ERBB4: variants seen among roughly 807,000 people sequenced by gnomAD.
ERBB4 encodes erb-b2 receptor tyrosine kinase 4.
ERBB4 carries 42 observed loss-of-function variants against 158.0 expected under a neutral mutation model. The observed-to-expected ratio is 0.27, with a 90% CI of 0.21 to 0.34. The LOEUF (loss-of-function observed/expected upper bound fraction) is 0.34, where lower values mean the gene tolerates loss of function less well. Among genes scored for constraint, ERBB4 ranks in the 10% least tolerant of loss-of-function variants. The probability of loss-of-function intolerance (pLI) is 1.00; values close to 1 mark genes in which losing one functional copy is unlikely to be tolerated. For missense variants in ERBB4, 1,333 were observed against 1,624.1 expected (o/e 0.82, Z 3.08); for synonymous variants, 583 against 558.7 (o/e 1.04, Z -0.61).
intron 3 of ERBB4, among the ~76,000 whole-genome samples, chr2:211,844,228 T>C (rs1302919090): frequency 2.6e-5 from 4 of 152,144 alleles, no homozygotes; most frequent in African/African-American, 4.8e-5. Flanking sequence ...CTAAATATCA[T>C]ACTAAGGGCA....
chr2:211,688,202 T>C (rs931491043), intron 12 of ERBB4, among the ~76,000 whole-genome samples: 3 of 152,238 alleles, frequency 2.0e-5, no homozygotes, highest in Non-Finnish European at 2.9e-5. Flanking sequence ...CCTCAGCCTA[T>C]GTACAGATCC....
chr2:212,404,827 G>A (rs62186274), intron 1 of ERBB4, among the ~76,000 whole-genome samples: 33,249 of 151,812 alleles, frequency 0.22, 3,818 homozygotes, highest in Non-Finnish European at 0.24. Flanking sequence ...GTAGTCCCCA[G>A]TATCTCTTGT....
chr2:212,246,600 T>C (rs981231469), intron 1 of ERBB4, among the ~76,000 whole-genome samples: 7 of 152,134 alleles, frequency 4.6e-5, no homozygotes, highest in African/African-American at 1.4e-4. Flanking sequence ...TCATGAAAGA[T>C]GTAGCTTAAA....
At chr2:211,934,202 A>C (rs189552130) in intron 3 of ERBB4, among the ~76,000 whole-genome samples, 185 of 152,108 alleles carry the variant, frequency 1.2e-3, no homozygotes, top group African/African-American at 4.1e-3. Flanking sequence ...AACCAAATGT[A>C]GTTTAGGGAG....
At chr2:212,312,852 A>T (rs974279198) in intron 1 of ERBB4, among the ~76,000 whole-genome samples, 1 of 150,916 alleles carries the variant, frequency 6.6e-6, no homozygotes, top group Non-Finnish European at 1.5e-5. Flanking sequence ...TAGTATTAAT[A>T]AGGAAAAAAA....
intron 9 of ERBB4, among the ~76,000 whole-genome samples, chr2:211,710,300 T>A (rs1423856962): frequency 6.6e-6 from 1 of 152,088 alleles, no homozygotes; most frequent in Non-Finnish European, 1.5e-5. Context: ...GCAATGTGAG[T>A]CAAGTGGCTC....
intron 20 of ERBB4, among the ~76,000 whole-genome samples, chr2:211,510,462 C>T (rs1169933821): frequency 6.6e-6 from 1 of 152,078 alleles, no homozygotes; most frequent in Non-Finnish European, 1.5e-5. Context: ...TCCCCTGAAT[C>T]TAAATTTCTT....
At chr2:212,488,259 T>C (rs780755182) in intron 1 of ERBB4, among the ~76,000 whole-genome samples, 3 of 152,078 alleles carry the variant, frequency 2.0e-5, no homozygotes, top group Non-Finnish European at 4.4e-5. Context: ...GCTTCTTGAA[T>C]ACCACTCTGC....
At chr2:212,306,462 T>C (rs2086813925) in intron 1 of ERBB4, among the ~76,000 whole-genome samples, 2 of 151,422 alleles carry the variant, frequency 1.3e-5, no homozygotes, top group Non-Finnish European at 1.5e-5. Context: ...TTTGCCCCAT[T>C]TCTTTATTTA....
At chr2:212,311,158 G>T (rs982998043) in intron 1 of ERBB4, among the ~76,000 whole-genome samples, 6 of 150,748 alleles carry the variant, frequency 4.0e-5, no homozygotes, top group African/African-American at 7.3e-5. Context: ...TTTATTAAAT[G>T]AATTTGTCAA....
intron 1 of ERBB4, among the ~76,000 whole-genome samples, chr2:212,315,052 A>T (rs992858836): frequency 1.3e-5 from 2 of 151,348 alleles, no homozygotes; most frequent in Non-Finnish European, 3.0e-5. Context: ...AGGAGCTTTG[A>T]GCATTATTAC....
At position 212,373,752 on chromosome 2, in the gene ERBB4, TGTATATATCCAC is replaced by T. The variant is rs1383506552; in HGVS notation, c.82+164685_82+164696del. The stretch of plus-strand genomic sequence containing the variant: ...ATATATATATCCATATATATATCCA[TGTATATATCCAC>T]GTATATATCCATGTATATATCCACG... On this transcript the variant is annotated intron_variant, in intron 1 of 27. Transcript: ENST00000342788. Among the ~76,000 whole-genome samples the T allele has an allele frequency of 1.5e-3, 205 of 138,372 alleles. 6 individuals are homozygous for T. The highest frequency in any genetic ancestry group is 2.6e-3 in the South Asian group (11 of 4,276). 90.8% of individuals were successfully genotyped at this position (138,372 alleles called of 152,430 possible). A position where few individuals can be genotyped will look rare whatever the true frequency, so the allele number is the denominator to read the frequency against.
chr2:211,482,284 C>T (rs1327385502), intron 20 of ERBB4, among the ~76,000 whole-genome samples: 2 of 152,160 alleles, frequency 1.3e-5, no homozygotes, highest in Admixed American at 1.3e-4. Flanking sequence ...CACATAAGCC[C>T]TAAATAATCT....
intron 1 of ERBB4, among the ~76,000 whole-genome samples, chr2:212,173,860 A>G (rs568242951): frequency 1.3e-5 from 2 of 152,262 alleles, no homozygotes; most frequent in Non-Finnish European, 2.9e-5. Flanking sequence ...GAAAAGGACT[A>G]CAAAGTATTG....
chr2:211,562,031 A>T lies in ERBB4; in HGVS notation c.2359T>A (p.Cys787Ser), dbSNP rs2125722135. 6.2e-7 allele frequency: 1 copy of T among 1,614,118 alleles called. No homozygotes were observed. The highest frequency in any genetic ancestry group is 8.5e-7 in the Non-Finnish European group (1 of 1,180,022). ...ACCAGCTGGATGGTTGGGCTCAGACACACACCCAGCAACCGGACTAGGTGT... is the reference window on the plus strand; with the variant it reads ...ACCAGCTGGATGGTTGGGCTCAGACTCACACCCAGCAACCGGACTAGGTGT... ...HPHLVRLLGV[C>S]LSPTIQLVTQ... The change falls in exon 20 of 28, where the codon TGT (cysteine) becomes AGT (serine). Residue 787 changes from cysteine (C) to serine (S), a missense_variant. This residue lies in a region of ERBB4 where 314 missense variants were observed against 437.6 expected (regional missense o/e 0.72). Coordinates refer to ENST00000342788, the MANE Select transcript of ERBB4 (RefSeq NM_005235.3).
At chr2:211,900,600 G>A (rs544726475) in intron 3 of ERBB4, among the ~76,000 whole-genome samples, 1 of 152,210 alleles carries the variant, frequency 6.6e-6, no homozygotes, top group South Asian at 2.1e-4. Context: ...TTACGCTTTA[G>A]TAAAGAGTTT....
At chr2:211,960,982 T>C (rs2081165827) in intron 2 of ERBB4, among the ~76,000 whole-genome samples, 1 of 152,112 alleles carries the variant, frequency 6.6e-6, no homozygotes, top group African/African-American at 2.4e-5. Context: ...TTAATAATAA[T>C]AGGTGAAACT....
intron 19 of ERBB4, among the ~76,000 whole-genome samples, chr2:211,592,978 A>C (rs1382668364): frequency 6.7e-6 from 1 of 148,162 alleles, no homozygotes. Context: ...GCACCACTGC[A>C]CTCCAGCCCA....
chr2:211,828,734 T>TTGGGAGTCC (rs2077156704), intron 3 of ERBB4, among the ~76,000 whole-genome samples: 1 of 152,096 alleles, frequency 6.6e-6, no homozygotes, highest in South Asian at 2.1e-4. Context: ...GGAAGCCAGA[T>TTGGGAGTCC]TGGGAGTCCT....
Sources: allele counts gnomAD v4.1 joint callset (sites outside exome capture counted in the v4.1 genomes callset), GRCh38; gene constraint gnomAD v4.1.1; regional missense constraint gnomAD v4.1.1; transcripts MANE v1.5; gene names NCBI Gene and HGNC (gene_info 2026-07-23, HGNC 2026-07-21).